The following WDFY4 variants were observed in gnomAD, a reference collection of about 807,000 sequenced individuals.
WDFY4 encodes WD repeat- and FYVE domain-containing protein 4.
Under a neutral mutation model 351.9 loss-of-function variants are expected in WDFY4, and 169 were observed. That is an observed-to-expected ratio of 0.48 (90% CI 0.42 to 0.55). The LOEUF (loss-of-function observed/expected upper bound fraction) is 0.55, where lower values mean the gene tolerates loss of function less well. Among genes scored for constraint, WDFY4 ranks in the 20% least tolerant of loss-of-function variants. The probability of loss-of-function intolerance (pLI) is 0.00; values close to 1 mark genes in which losing one functional copy is unlikely to be tolerated. For missense variants in WDFY4, 3,803 were observed against 3,935.6 expected (o/e 0.97, Z 0.90); for synonymous variants, 1,622 against 1,574.6 (o/e 1.03, Z -0.71).
chr10:48,721,286 G>A lies in WDFY4; in HGVS notation c.375G>A (p.Gln125=), dbSNP rs11818741. 0.032 allele frequency: 50,311 copies of A among 1,551,590 alleles called. 1,869 individuals carry two copies. Among genetic ancestry groups the A allele is most frequent in the African/African-American group, 0.16 (11,807 of 73,092 alleles). ...AGCAAGCTCGGTTGGCAGCTGGACA[G>A]TTGCTGTGGTGGAAGGGGGACGTGG... ...PAEQARLAAG[Q]LLWWKGDVDQ... Residue 125 remains glutamine, a synonymous_variant, in exon 4 of 62, where the codon CAG becomes CAA. Coordinates refer to ENST00000325239, the MANE Select transcript of WDFY4 (RefSeq NM_001394531.1).
At position 48,964,066 on chromosome 10, in the gene WDFY4, C is replaced by T. The variant is rs72801340; in HGVS notation, c.8436+12C>T. The T allele has an allele frequency of 7.3e-3, 11,285 of 1,549,362 alleles. 48 individuals carry two copies. Among genetic ancestry groups the T allele is most frequent in the Non-Finnish European group, 8.9e-3 (10,218 of 1,146,662 alleles). On this transcript the variant is annotated intron_variant, in intron 54 of 61. Coordinates refer to ENST00000325239, the MANE Select transcript of WDFY4 (RefSeq NM_001394531.1). Reference sequence around the variant, plus strand: ...AGGTGCCCAAACAGGTACAGCATGCCTTGTCATTTGCCTTGCTTTCTCAAA... The same window carrying T: ...AGGTGCCCAAACAGGTACAGCATGCTTTGTCATTTGCCTTGCTTTCTCAAA...
At chr10:48,712,364 T>A (rs565261947) in intron 2 of WDFY4, among the ~76,000 whole-genome samples, 40 of 152,368 alleles carry the variant, frequency 2.6e-4, no homozygotes, top group African/African-American at 9.6e-4. Flanking sequence ...TTACTGCACA[T>A]GGACTGAAGC....
intron 43 of WDFY4, among the ~76,000 whole-genome samples, chr10:48,885,834 CTCTG>C (rs1417104947): frequency 6.6e-6 from 1 of 152,018 alleles, no homozygotes; most frequent in African/African-American, 2.4e-5. Flanking sequence ...ATGACGAATT[CTCTG>C]TCTAAATACA....
At chr10:48,911,299 G>A (rs759897470) in intron 47 of WDFY4, among the ~76,000 whole-genome samples, 3 of 152,204 alleles carry the variant, frequency 2.0e-5, no homozygotes, top group Non-Finnish European at 4.4e-5. Flanking sequence ...AGGATGCCGG[G>A]AAATGGGTTC....
intron 9 of WDFY4, among the ~76,000 whole-genome samples, chr10:48,732,633 G>T (rs984913699): frequency 6.6e-6 from 1 of 152,214 alleles, no homozygotes; most frequent in Admixed American, 6.5e-5. Context: ...TAACCCGTAC[G>T]AGCCGTGTCT....
In WDFY4 at chr10:48,750,935, A is replaced by T. The variant is rs530627195; in HGVS notation, c.2459+7387A>T. On this transcript the variant is annotated intron_variant, in intron 12 of 61. Coordinates refer to ENST00000325239, the MANE Select transcript of WDFY4 (RefSeq NM_001394531.1). ...GGTCACTGAGTAGAATATGGGCATG[A>T]ATGAATTGAGAAGATGGACAGGACA... Among the ~76,000 whole-genome samples the T allele has an allele frequency of 1.6e-4, 25 of 152,376 alleles. No homozygotes were observed. In the South Asian group the frequency reaches 5.0e-3, roughly 30 times the overall value.
intron 31 of WDFY4, among the ~76,000 whole-genome samples, chr10:48,816,698 A>G (rs2067630880): frequency 6.6e-6 from 1 of 152,268 alleles, no homozygotes; most frequent in Admixed American, 6.5e-5. Context: ...TTTAAAACAA[A>G]GAAAATATGT....
chr10:48,801,346 T>A (rs975507083), intron 24 of WDFY4, among the ~76,000 whole-genome samples: 11 of 152,218 alleles, frequency 7.2e-5, no homozygotes, highest in Non-Finnish European at 1.2e-4. Context: ...CTGGAACTTT[T>A]GTGGGAAGTG....
At chr10:48,735,405 A>G (rs916188411) in intron 10 of WDFY4, among the ~76,000 whole-genome samples, 17 of 152,256 alleles carry the variant, frequency 1.1e-4, no homozygotes, top group African/African-American at 3.9e-4. Context: ...GAGAAGACAG[A>G]AAATTGTCAT....
intron 47 of WDFY4, among the ~76,000 whole-genome samples, chr10:48,913,066 G>A (rs779845218): frequency 1.2e-4 from 19 of 152,194 alleles, no homozygotes; most frequent in Non-Finnish European, 2.6e-4. Context: ...GTGTGTGGCG[G>A]CATTAGCTGC....
chr10:48,898,739 A>G (rs146469807), intron 45 of WDFY4, among the ~76,000 whole-genome samples: 21 of 152,292 alleles, frequency 1.4e-4, no homozygotes, highest in Non-Finnish European at 2.5e-4. Flanking sequence ...CAACACAGTT[A>G]GTTCTCATTT....
At position 48,803,305 on chromosome 10, in the gene WDFY4, A is replaced by T; in HGVS notation, c.4430A>T (p.Asp1477Val). The change falls in exon 25 of 62, where the codon GAC becomes GTC. Residue 1477 changes from aspartate to valine, a missense_variant. Around this residue, in one of 3 missense-constraint regions of WDFY4, gnomAD observed 3,054 missense variants for 3,148.6 expected, o/e 0.97. Coordinates refer to ENST00000325239, the MANE Select transcript of WDFY4 (RefSeq NM_001394531.1). ...CNFELWMNTADNLELSLFSHL... is the reference protein window; with the variant it reads ...CNFELWMNTAVNLELSLFSHL... ...TTCCAGCTCTGGATGAATACTGCAG[A>T]CAATCTGGAGCTCAGCCTCTTTTCC... 6.4e-7 allele frequency: 1 copy of T among 1,552,014 alleles called. No individual in the cohort carries two copies. The highest frequency in any genetic ancestry group is 2.4e-5 in the East Asian group (1 of 40,920).
At chr10:48,953,587 T>C (rs2133809764) in intron 51 of WDFY4, among the ~76,000 whole-genome samples, 1 of 152,328 alleles carries the variant, frequency 6.6e-6, no homozygotes, top group East Asian at 1.9e-4. Context: ...AACAGGGTCC[T>C]GTAAGTGAGT....
chr10:48,692,771 A>G (rs1366407632), intron 1 of WDFY4, among the ~76,000 whole-genome samples: 1 of 152,122 alleles, frequency 6.6e-6, no homozygotes, highest in Admixed American at 6.5e-5. Flanking sequence ...TCTCCTGTAC[A>G]TGGGACAATC....
intron 49 of WDFY4, among the ~76,000 whole-genome samples, 170 bp downstream of exon 49, chr10:48,943,619 G>A (rs1840897188): frequency 6.6e-6 from 1 of 151,432 alleles, no homozygotes; most frequent in South Asian, 2.1e-4. Context: ...TTGAGATGGA[G>A]TCTTACTTCA....
intron 47 of WDFY4, among the ~76,000 whole-genome samples, chr10:48,902,310 G>A (rs539836358): frequency 6.4e-4 from 97 of 152,332 alleles, no homozygotes; most frequent in African/African-American, 2.3e-3. Context: ...GTGCTATGGG[G>A]CGTCTCTCCC....
intron 47 of WDFY4, among the ~76,000 whole-genome samples, chr10:48,936,148 A>C (rs1179841624): frequency 6.6e-6 from 1 of 152,204 alleles, no homozygotes; most frequent in African/African-American, 2.4e-5. Flanking sequence ...TAAGTAGTAA[A>C]AATTTTGGAA....
At chr10:48,787,929 T>C (rs576767142) in intron 20 of WDFY4, among the ~76,000 whole-genome samples, 20 of 87,838 alleles carry the variant, frequency 2.3e-4, no homozygotes, top group South Asian at 4.3e-4. Flanking sequence ...TTCTTCTTCT[T>C]CTTCTTCTTC....
intron 4 of WDFY4, among the ~76,000 whole-genome samples, chr10:48,722,413 G>A (rs1469294074): frequency 2.0e-5 from 3 of 152,226 alleles, no homozygotes; most frequent in Non-Finnish European, 2.9e-5. Context: ...AGGGAGAGCT[G>A]CCCTGAGGAG....
Sources: allele counts gnomAD v4.1 joint callset (sites outside exome capture counted in the v4.1 genomes callset), GRCh38; gene constraint gnomAD v4.1.1; regional missense constraint gnomAD v4.1.1; transcripts MANE v1.5; gene names NCBI Gene and HGNC (gene_info 2026-07-23, HGNC 2026-07-21).